Variants in MIPOL1 observed in about 807,000 individuals in gnomAD.
The protein encoded by MIPOL1 is mirror-image polydactyly 1.
MIPOL1 carries 57 observed loss-of-function variants against 60.9 expected under a neutral mutation model. The ratio of observed to expected loss-of-function variants is 0.94; its 90% CI spans 0.76 to 1.17. The LOEUF (loss-of-function observed/expected upper bound fraction) is 1.17. Ranked by LOEUF, MIPOL1 falls within the 50% of genes most tolerant of loss-of-function variation. The pLI, the probability that MIPOL1 is intolerant of heterozygous loss-of-function variation, is 0.00. For synonymous variants in MIPOL1, 179 were observed against 168.8 expected (o/e 1.06, Z -0.47); for missense variants, 551 against 511.6 (o/e 1.08, Z -0.74).
chr14:37,461,967 G>A (rs553101628), intron 11 of MIPOL1, among the ~76,000 whole-genome samples: 1 of 152,136 alleles, frequency 6.6e-6, no homozygotes, highest in Non-Finnish European at 1.5e-5. Flanking sequence ...CTGGGGTCTG[G>A]AAGACAGTGG....
At chr14:37,306,755 A>AG (rs1271470602) in intron 7 of MIPOL1, among the ~76,000 whole-genome samples, 2 of 151,810 alleles carry the variant, frequency 1.3e-5, no homozygotes, top group Non-Finnish European at 3.0e-5. Context: ...TGAGATGAAA[A>AG]GAAGTGTTTA....
intron 9 of MIPOL1, among the ~76,000 whole-genome samples, chr14:37,332,687 C>T (rs1340966350): frequency 4.2e-5 from 2 of 47,448 alleles, no homozygotes; most frequent in Admixed American, 6.3e-4. Context: ...ATGAATTATC[C>T]GAAATGGCAG....
intron 11 of MIPOL1, among the ~76,000 whole-genome samples, chr14:37,460,257 C>T (rs2094524825): frequency 6.6e-6 from 1 of 152,054 alleles, no homozygotes; most frequent in East Asian, 1.9e-4. Context: ...GAATTAAAGA[C>T]AAAAACCTTA....
chr14:37,400,029 C>A (rs2093452882), intron 10 of MIPOL1: 1 of 151,980 alleles, frequency 6.6e-6, no homozygotes, highest in Non-Finnish European at 1.5e-5. Flanking sequence ...ATTGGACAAG[C>A]CCTGAAGATA....
At position 37,369,454 on chromosome 14, in the gene MIPOL1, T is replaced by C; in HGVS notation, c.829-63T>C. On this transcript the variant is annotated intron_variant, in intron 9 of 12. Coordinates refer to ENST00000684589, the MANE Select transcript of MIPOL1 (RefSeq NM_001388067.1). ...CAATGATATTATTTACATTAATTCA[T>C]GTGGCTTGGTGAAAAAAAATGCTAT... The C allele has an allele frequency of 7.8e-6, 9 of 1,154,128 alleles. No homozygotes were observed. In the South Asian group the frequency reaches 8.0e-5, roughly 10 times the overall value. 71.5% of individuals were successfully genotyped at this position (1,154,128 alleles called of 1,614,324 possible).
chr14:37,470,459 C>T (rs559964378), intron 11 of MIPOL1, among the ~76,000 whole-genome samples: 20 of 152,034 alleles, frequency 1.3e-4, no homozygotes, highest in African/African-American at 4.3e-4. Flanking sequence ...TCTCATGACA[C>T]CTGTTTGTTT....
At chr14:37,535,986 A>C (rs77224430) in intron 12 of MIPOL1, among the ~76,000 whole-genome samples, 4,252 of 151,832 alleles carry the variant, frequency 0.028, 195 homozygotes, top group African/African-American at 0.095. Flanking sequence ...CTGACTGTAG[A>C]CTCAATCTCT....
intron 11 of MIPOL1, among the ~76,000 whole-genome samples, chr14:37,448,927 C>A (rs1294394870): frequency 1.3e-5 from 2 of 152,126 alleles, no homozygotes; most frequent in East Asian, 1.9e-4. Context: ...CAGACACTTT[C>A]TTTTATGTCT....
chr14:37,295,017 T>C (rs2085497555), intron 7 of MIPOL1, among the ~76,000 whole-genome samples: 1 of 151,998 alleles, frequency 6.6e-6, no homozygotes, highest in Non-Finnish European at 1.5e-5. Flanking sequence ...TTCACCAAAG[T>C]TGAAATGAAG....
chr14:37,440,878 C>A (rs1595785612), intron 11 of MIPOL1, among the ~76,000 whole-genome samples: 2 of 152,090 alleles, frequency 1.3e-5, no homozygotes, highest in East Asian at 3.9e-4. Context: ...ACATTCCCAC[C>A]AATAGTATAT....
At chr14:37,327,293 C>A (rs1567483345) in intron 9 of MIPOL1, among the ~76,000 whole-genome samples, 2 of 145,212 alleles carry the variant, frequency 1.4e-5, no homozygotes, top group Non-Finnish European at 3.0e-5. Flanking sequence ...AATTCAAAGT[C>A]TTTTTTTTTT....
intron 12 of MIPOL1, among the ~76,000 whole-genome samples, chr14:37,510,819 T>C (rs1168009932): frequency 6.6e-6 from 1 of 152,132 alleles, no homozygotes; most frequent in Non-Finnish European, 1.5e-5. Context: ...ACAAATACTT[T>C]TTCTTCCAAC....
At chr14:37,239,772 T>C (rs1239592968) in intron 1 of MIPOL1, among the ~76,000 whole-genome samples, 1 of 152,152 alleles carries the variant, frequency 6.6e-6, no homozygotes, top group African/African-American at 2.4e-5. Flanking sequence ...TAAATCAGCT[T>C]TTGTAGTTTC....
intron 10 of MIPOL1, among the ~76,000 whole-genome samples, chr14:37,371,870 A>G (rs966774511): frequency 6.6e-6 from 1 of 152,110 alleles, no homozygotes; most frequent in Non-Finnish European, 1.5e-5. Flanking sequence ...CATATGAGTT[A>G]TGAATAATAA....
intron 7 of MIPOL1, among the ~76,000 whole-genome samples, chr14:37,295,388 T>A (rs2153422152): frequency 6.6e-6 from 1 of 152,266 alleles, no homozygotes; most frequent in South Asian, 2.1e-4. Flanking sequence ...AGGAAGAAAC[T>A]GCATCAACTA....
At chr14:37,465,704 A>G (rs2094589774) in intron 11 of MIPOL1, among the ~76,000 whole-genome samples, 2 of 152,162 alleles carry the variant, frequency 1.3e-5, no homozygotes, top group Admixed American at 1.3e-4. Context: ...CAATTAGGCT[A>G]TTAAAATTCC....
At chr14:37,320,636 T>C (rs906186712) in intron 9 of MIPOL1, among the ~76,000 whole-genome samples, 2 of 152,080 alleles carry the variant, frequency 1.3e-5, no homozygotes, top group Non-Finnish European at 2.9e-5. Context: ...TTTCTCCTTA[T>C]GGTTAATGCA....
At chr14:37,511,861 G>A (rs1313896425) in intron 12 of MIPOL1, among the ~76,000 whole-genome samples, 13 of 152,076 alleles carry the variant, frequency 8.5e-5, no homozygotes, top group Admixed American at 3.9e-4. Context: ...ACTATATGAA[G>A]AGTTATATAC....
chr14:37,292,672 G>A (rs61988342), intron 7 of MIPOL1, among the ~76,000 whole-genome samples: 51 of 151,702 alleles, frequency 3.4e-4, no homozygotes, highest in Non-Finnish European at 5.7e-4. Flanking sequence ...GTAGCGATGG[G>A]GTTTCGCCAT....
Sources: allele counts gnomAD v4.1 joint callset (sites outside exome capture counted in the v4.1 genomes callset), GRCh38; gene constraint gnomAD v4.1.1; transcripts MANE v1.5; gene names NCBI Gene and HGNC (gene_info 2026-07-23, HGNC 2026-07-21).